The following GLI3 variants were observed in gnomAD, a reference collection of about 807,000 sequenced individuals.
The protein encoded by GLI3 is GLI family zinc finger 3, also known as transcription activator GLI3.
In GLI3, 20 loss-of-function variants were observed where a neutral mutation model predicts 100.8. The observed-to-expected ratio is 0.20, with a 90% confidence interval of 0.14 to 0.29. GLI3 has a LOEUF of 0.29. Ranked by LOEUF, GLI3 falls within the 10% of genes least tolerant of loss-of-function variation. GLI3 has a pLI of 1.00. For synonymous variants in GLI3, 938 were observed against 860.5 expected, an observed-to-expected ratio of 1.09 and a Z score of -1.58; for missense variants, 2,040 against 2,128.5, an observed-to-expected ratio of 0.96 and a Z score of 0.82.
intron 1 of GLI3, among the ~76,000 whole-genome samples, chr7:42,244,573 G>C (rs753632264): frequency 3.9e-5 from 6 of 152,196 alleles, no homozygotes; most frequent in Non-Finnish European, 8.8e-5. Context: ...GAAAAATGAA[G>C]TGGAGAATTG....
chr7:42,005,534 T>G (rs567784986), intron 10 of GLI3, among the ~76,000 whole-genome samples: 1 of 150,030 alleles, frequency 6.7e-6, no homozygotes, highest in Admixed American at 6.6e-5. Flanking sequence ...TCCTCTAAAT[T>G]TTGGGGTCCA....
intron 2 of GLI3, among the ~76,000 whole-genome samples, chr7:42,187,481 T>C (rs1259670952): frequency 1.3e-5 from 2 of 152,112 alleles, no homozygotes; most frequent in Non-Finnish European, 2.9e-5. Flanking sequence ...CTGCTTGGTA[T>C]TATTAATTTT....
chr7:42,241,164 C>T (rs540806097), upstream of GLI3, among the ~76,000 whole-genome samples: 3 of 152,278 alleles, frequency 2.0e-5, no homozygotes, highest in African/African-American at 7.2e-5. Flanking sequence ...GCTCCAATAA[C>T]GTCTACTGGG....
Position 41,962,256 on chromosome 7 carries a change from C to T in GLI3, c.*2074G>A, listed in dbSNP as rs748339181. 2.6e-5 allele frequency: 4 copies of T among 152,314 alleles called. No homozygotes were observed. The highest frequency in any genetic ancestry group is 3.4e-3 in the Middle Eastern group (1 of 294). 9.4% of individuals were successfully genotyped at this position (152,314 alleles called of 1,614,324 possible). On this transcript the variant is annotated 3_prime_UTR_variant, in exon 15 of 15. Coordinates refer to ENST00000395925, the MANE Select transcript of GLI3 (RefSeq NM_000168.6). ...ACACTCAGGCCCCATGCTTTGAAAACAAGAGTTGGAAAGGGATTGAACCAA... is the reference window on the plus strand; with the variant it reads ...ACACTCAGGCCCCATGCTTTGAAAATAAGAGTTGGAAAGGGATTGAACCAA...
At chr7:42,013,312 G>T (rs1388209310) in intron 10 of GLI3, among the ~76,000 whole-genome samples, 2 of 152,118 alleles carry the variant, frequency 1.3e-5, no homozygotes, top group Admixed American at 1.3e-4. Flanking sequence ...AAGAAAAGTG[G>T]CCACTGTAGA....
At chr7:42,077,725 C>A (rs1306885997) in intron 3 of GLI3, among the ~76,000 whole-genome samples, 17 of 150,692 alleles carry the variant, frequency 1.1e-4, no homozygotes. Context: ...TGAAAATAAA[C>A]CTTTATTAAA....
chr7:41,970,901 TC>T (rs1377918897), intron 13 of GLI3, among the ~76,000 whole-genome samples: 5 of 151,308 alleles, frequency 3.3e-5, no homozygotes, highest in Admixed American at 6.6e-5. Context: ...AGACATGTGC[TC>T]CCCTTCAAAA....
intron 2 of GLI3, among the ~76,000 whole-genome samples, chr7:42,221,717 T>G (rs1156839069): frequency 3.9e-5 from 6 of 152,230 alleles, no homozygotes; most frequent in Non-Finnish European, 8.8e-5. Flanking sequence ...TCTGAAATAA[T>G]AAATTTGCCT....
chr7:42,200,888 C>T (rs1256086789), intron 2 of GLI3, among the ~76,000 whole-genome samples: 1 of 152,078 alleles, frequency 6.6e-6, no homozygotes, highest in Non-Finnish European at 1.5e-5. Flanking sequence ...TGCATGAAAA[C>T]CATTTCTAGG....
chr7:42,194,776 TGGAG>T (rs1787895199), intron 2 of GLI3, among the ~76,000 whole-genome samples: 2 of 148,960 alleles, frequency 1.3e-5, no homozygotes, highest in Non-Finnish European at 1.5e-5. Context: ...TTTTTTTTTT[TGGAG>T]TCGGAGTTTC....
chr7:42,239,309 G>A (rs968280168), upstream of GLI3, among the ~76,000 whole-genome samples: 1 of 152,344 alleles, frequency 6.6e-6, no homozygotes, highest in Non-Finnish European at 1.5e-5. Context: ...CCATCTAGGG[G>A]ATAGTGTTAG....
In GLI3 at chr7:41,964,064, G is replaced by T. The variant is rs990730469; in HGVS notation, c.*266C>A. ...TACTAAAAAGGGGGCGGGGCTTACA[G>T]TTTTTTTTTTTTTTTTTAAAAAGAG... On this transcript the variant is annotated 3_prime_UTR_variant, in exon 15 of 15. Coordinates refer to ENST00000395925, the MANE Select transcript of GLI3 (RefSeq NM_000168.6). The T allele has an allele frequency of 1.9e-5, 4 of 205,528 alleles. No individual in the cohort carries two copies. The highest frequency in any genetic ancestry group is 3.8e-5 in the Non-Finnish European group (4 of 105,614). The allele number at this position is 205,528 out of a possible 1,614,324, so 12.7% of individuals were successfully genotyped here. A position where few individuals can be genotyped will look rare whatever the true frequency, so the allele number is the denominator to read the frequency against.
chr7:42,161,244 C>T (rs1447602873), intron 2 of GLI3, among the ~76,000 whole-genome samples: 1 of 152,060 alleles, frequency 6.6e-6, no homozygotes, highest in Non-Finnish European at 1.5e-5. Context: ...TAATATTTCA[C>T]AACAGGCAAA....
At chr7:42,257,999 T>C (rs1360534827) in intron 1 of GLI3, among the ~76,000 whole-genome samples, 8 of 152,224 alleles carry the variant, frequency 5.3e-5, no homozygotes, top group Admixed American at 6.5e-5. Flanking sequence ...TATTGAACTA[T>C]ATAGTTTTCT....
intron 4 of GLI3, among the ~76,000 whole-genome samples, chr7:42,055,661 C>T (rs1437276995): frequency 2.0e-5 from 3 of 152,288 alleles, no homozygotes; most frequent in Non-Finnish European, 4.4e-5. Context: ...TGTACATACC[C>T]ACTCCATCAG....
rs186139452 is a variant in GLI3, at chr7:42,051,748, C to A, written c.474-3052G>T. Among the ~76,000 whole-genome samples, 1,030 of 151,842 alleles carry A rather than the reference C, an allele frequency of 6.8e-3. 16 individuals are homozygous for A. Among genetic ancestry groups the A allele is most frequent in the African/African-American group, 0.023 (960 of 41,288 alleles). On this transcript the variant is annotated intron_variant, in intron 4 of 14. Coordinates refer to ENST00000395925, the MANE Select transcript of GLI3 (RefSeq NM_000168.6). ...GTAGTACAGAGATTTCCCATATAACCCCCACCCCCAGCCTCTACATATAAA... is the reference window on the plus strand; with the variant it reads ...GTAGTACAGAGATTTCCCATATAACACCCACCCCCAGCCTCTACATATAAA...
At position 42,102,164 on chromosome 7, in the gene GLI3, A is replaced by G. The variant is rs563042146; in HGVS notation, c.368-25307T>C. On this transcript the variant is annotated intron_variant, in intron 3 of 14. Coordinates refer to ENST00000395925, the MANE Select transcript of GLI3 (RefSeq NM_000168.6). ...TAAACATACGTGTGCATGTGTCTTT[A>G]TAGCAGCATGATTTATAGTCCTTTG... Among the ~76,000 whole-genome samples the G allele has an allele frequency of 3.3e-5, 5 of 152,220 alleles. No individual in the cohort carries two copies. In the East Asian group the frequency reaches 9.7e-4, roughly 29 times the overall value.
intron 1 of GLI3, among the ~76,000 whole-genome samples, chr7:42,236,746 C>A (rs1041489842): frequency 6.6e-6 from 1 of 152,196 alleles, no homozygotes; most frequent in South Asian, 2.1e-4. Flanking sequence ...TCCGGCCGGT[C>A]CGCGGGTCGG....
chr7:42,198,140 C>T (rs1207104331), intron 2 of GLI3, among the ~76,000 whole-genome samples: 1 of 152,194 alleles, frequency 6.6e-6, no homozygotes, highest in Non-Finnish European at 1.5e-5. Context: ...AGCCCCTGCA[C>T]TGTGGCGGCC....
Sources: allele counts gnomAD v4.1 joint callset (sites outside exome capture counted in the v4.1 genomes callset), GRCh38; gene constraint gnomAD v4.1.1; transcripts MANE v1.5; gene names NCBI Gene and HGNC (gene_info 2026-07-23, HGNC 2026-07-21).